The following ADGRB3 variants were observed in gnomAD, a reference collection of about 807,000 sequenced individuals.
ADGRB3 encodes adhesion G protein-coupled receptor B3, also known as brain-specific angiogenesis inhibitor 3.
In ADGRB3, 37 loss-of-function variants were observed where a neutral mutation model predicts 193.4. That is an observed-to-expected ratio of 0.19 (90% confidence interval 0.15 to 0.25). The LOEUF (loss-of-function observed/expected upper bound fraction) is 0.25, where lower values mean the gene tolerates loss of function less well. Ranked by LOEUF, ADGRB3 falls within the 10% of genes least tolerant of loss-of-function variation. The pLI is 1.00. For synonymous variants in ADGRB3, 690 were observed against 644.2 expected, an observed-to-expected ratio of 1.07 and a Z score of -1.08; for missense variants, 1,637 against 1,852.9, an observed-to-expected ratio of 0.88 and a Z score of 2.14.
At chr6:69,175,810 C>A (rs908356275) in intron 17 of ADGRB3, among the ~76,000 whole-genome samples, 3 of 152,156 alleles carry the variant, frequency 2.0e-5, no homozygotes, top group African/African-American at 7.2e-5. Flanking sequence ...GCTATGATTT[C>A]TTTCAGCAGT....
chr6:69,324,958 T>C lies in ADGRB3; in HGVS notation c.2901T>C (p.Tyr967=), dbSNP rs1768536310. 1 of 1,613,864 alleles carries C rather than the reference T, an allele frequency of 6.2e-7. No homozygotes were observed. The change falls in exon 21 of 32, where the codon TAT becomes TAC. Residue 967 remains tyrosine (Y), a synonymous_variant. Transcript: ENST00000370598. ...TTTTGACTGAGGCGTGGCAATCATA[T>C]ATGGCTGTAACTGGAAAAATTAGGA... ...CWVLTEAWQS[Y]MAVTGKIRTR...
At chr6:69,122,002 T>A (rs1174623015) in intron 17 of ADGRB3, among the ~76,000 whole-genome samples, 7 of 27,288 alleles carry the variant, frequency 2.6e-4, no homozygotes, top group Non-Finnish European at 7.6e-4. Context: ...GCTCCTCACT[T>A]CCCAGACAGG....
At chr6:68,692,499 C>A (rs1765091434) in intron 3 of ADGRB3, among the ~76,000 whole-genome samples, 1 of 151,748 alleles carries the variant, frequency 6.6e-6, no homozygotes. Flanking sequence ...AAAAGTGAGA[C>A]AATGCATTTA....
At chr6:69,202,443 C>T (rs771051612) in intron 17 of ADGRB3, among the ~76,000 whole-genome samples, 5 of 151,954 alleles carry the variant, frequency 3.3e-5, no homozygotes, top group Non-Finnish European at 5.9e-5. Context: ...ATCTGTACTA[C>T]CCACTCCACT....
intron 3 of ADGRB3, among the ~76,000 whole-genome samples, chr6:68,900,314 A>T (rs1362709712): frequency 1.3e-5 from 2 of 152,146 alleles, no homozygotes; most frequent in Non-Finnish European, 2.9e-5. Flanking sequence ...GTTGTTATAT[A>T]TTGCTGCATA....
At chr6:68,775,893 A>G (rs1046998931) in intron 3 of ADGRB3, among the ~76,000 whole-genome samples, 6 of 152,140 alleles carry the variant, frequency 3.9e-5, no homozygotes, top group Admixed American at 6.6e-5. Flanking sequence ...CTGATTTACT[A>G]TAAAGCCATT....
intron 17 of ADGRB3, among the ~76,000 whole-genome samples, chr6:69,200,546 A>C (rs140920769): frequency 6.6e-6 from 1 of 152,258 alleles, no homozygotes; most frequent in East Asian, 1.9e-4. Flanking sequence ...CCAACTGGGC[A>C]TTCTCTACAT....
At chr6:68,939,225 T>C (rs1258181861) in intron 5 of ADGRB3, among the ~76,000 whole-genome samples, 1 of 152,174 alleles carries the variant, frequency 6.6e-6, no homozygotes, top group Admixed American at 6.6e-5. Context: ...TTAAAGTTTT[T>C]CGTCCCCATT....
intron 17 of ADGRB3, among the ~76,000 whole-genome samples, chr6:69,077,931 T>C (rs1772280245): frequency 6.6e-6 from 1 of 152,038 alleles, no homozygotes. Flanking sequence ...TGTTTCATTA[T>C]TAAAAGTGTT....
intron 26 of ADGRB3, among the ~76,000 whole-genome samples, chr6:69,352,690 A>G (rs947310798): frequency 2.6e-5 from 4 of 152,206 alleles, no homozygotes; most frequent in African/African-American, 9.6e-5. Flanking sequence ...CAATGTGGCA[A>G]TTTAGGAGAG....
At chr6:68,811,451 G>A (rs890315401) in intron 3 of ADGRB3, among the ~76,000 whole-genome samples, 1 of 151,966 alleles carries the variant, frequency 6.6e-6, no homozygotes, top group Non-Finnish European at 1.5e-5. Context: ...AATTAATGAG[G>A]TAGATGATTC....
At chr6:68,827,716 G>C (rs1431931320) in intron 3 of ADGRB3, among the ~76,000 whole-genome samples, 1 of 152,068 alleles carries the variant, frequency 6.6e-6, no homozygotes, top group East Asian at 1.9e-4. Flanking sequence ...GGGGTATGAT[G>C]TCTACAAGAT....
Position 68,802,183 on chromosome 6 carries a change from C to CGTGT in ADGRB3, c.758-128351_758-128348dup, listed in dbSNP as rs9294808. 6.0e-3 allele frequency among the ~76,000 whole-genome samples: 861 copies of CGTGT among 142,812 alleles called. 7 individuals are homozygous for CGTGT. The highest frequency in any genetic ancestry group is 0.017 in the African/African-American group (634 of 38,354). 93.7% of individuals were successfully genotyped at this position (142,812 alleles called of 152,430 possible). A position where few individuals can be genotyped will look rare whatever the true frequency, so the allele number is the denominator to read the frequency against. On this transcript the variant is annotated intron_variant, in intron 3 of 31. Coordinates refer to ENST00000370598, the MANE Select transcript of ADGRB3 (RefSeq NM_001704.3). ...ATAGAGTAAAATAAATGCACATATG[C>CGTGT]GTGTGTGTGTGTGTGTGTGTGTGTG...
At chr6:69,256,611 A>G (rs989075227) in intron 20 of ADGRB3, among the ~76,000 whole-genome samples, 38 of 151,984 alleles carry the variant, frequency 2.5e-4, no homozygotes, top group Non-Finnish European at 5.9e-5. Flanking sequence ...GGGCTGAGAC[A>G]ATGGGGTTTT....
chr6:68,906,302 T>A (rs1250465663), intron 3 of ADGRB3, among the ~76,000 whole-genome samples: 5 of 151,838 alleles, frequency 3.3e-5, no homozygotes, highest in Non-Finnish European at 7.4e-5. Flanking sequence ...CCACATATAT[T>A]GGAGGTATAC....
chr6:68,995,491 G>A (rs1328311781), intron 11 of ADGRB3, among the ~76,000 whole-genome samples: 3 of 152,176 alleles, frequency 2.0e-5, no homozygotes, highest in African/African-American at 7.2e-5. Context: ...ACTTATTTGT[G>A]TGCATAAATT....
intron 8 of ADGRB3, among the ~76,000 whole-genome samples, chr6:68,973,371 T>C (rs1768643685): frequency 1.3e-5 from 2 of 152,244 alleles, no homozygotes; most frequent in Admixed American, 6.5e-5. Context: ...ATTCATCTTA[T>C]CTTGGGTAAT....
At chr6:68,702,570 G>C (rs1765258808) in intron 3 of ADGRB3, among the ~76,000 whole-genome samples, 1 of 152,152 alleles carries the variant, frequency 6.6e-6, no homozygotes, top group Non-Finnish European at 1.5e-5. Context: ...AGCCTACAGG[G>C]ATCAGTTTCG....
Position 68,733,502 on chromosome 6 carries a change from G to A in ADGRB3, c.757+94070G>A, listed in dbSNP as rs562375846. ...ACTTCAAAAAGGGGGAAGAAGGGAG[G>A]AAAGCATTGAAAACCTACCTTTTGA... On this transcript the variant is annotated intron_variant, in intron 3 of 31. Transcript: ENST00000370598. Among the ~76,000 whole-genome samples, 9 of 151,814 alleles carry A rather than the reference G, an allele frequency of 5.9e-5. No homozygotes were observed. The Admixed American group carries it at 5.9e-4, about 10-fold the overall frequency.
Sources: allele counts gnomAD v4.1 joint callset (sites outside exome capture counted in the v4.1 genomes callset), GRCh38; gene constraint gnomAD v4.1.1; transcripts MANE v1.5; gene names NCBI Gene and HGNC (gene_info 2026-07-23, HGNC 2026-07-21).